The following CACNA1D variants were observed in gnomAD, a reference collection of about 807,000 sequenced individuals.
The protein encoded by CACNA1D is voltage-dependent L-type calcium channel subunit alpha-1D.
CACNA1D carries 55 observed loss-of-function variants against 257.1 expected under a neutral mutation model. The ratio of observed to expected loss-of-function variants is 0.21; its 90% CI spans 0.17 to 0.27. CACNA1D has a LOEUF of 0.27. Ranked by LOEUF, CACNA1D falls within the 10% of genes least tolerant of loss-of-function variation. The probability of loss-of-function intolerance (pLI) is 1.00; values close to 1 mark genes in which losing one functional copy is unlikely to be tolerated. For missense variants in CACNA1D, 1,876 were observed against 2,784.0 expected, an observed-to-expected ratio of 0.67 and a Z score of 7.34; for synonymous variants, 980 against 1,014.9, an observed-to-expected ratio of 0.97 and a Z score of 0.65.
chr3:53,744,582 C>T (rs1423146170), intron 22 of CACNA1D, among the ~76,000 whole-genome samples, 158 bp from the exon 23 acceptor site: 1 of 152,070 alleles, frequency 6.6e-6, no homozygotes, highest in Non-Finnish European at 1.5e-5. Flanking sequence ...GAGGAGAAGT[C>T]GCCTCTGAGT....
At chr3:53,523,105 G>A (rs2091641306) in intron 3 of CACNA1D, among the ~76,000 whole-genome samples, 1 of 152,286 alleles carries the variant, frequency 6.6e-6, no homozygotes, top group South Asian at 2.1e-4. Flanking sequence ...ATTGGTTGGT[G>A]GTGTTTTGGG....
chr3:53,711,256 C>A (rs2680660), intron 9 of CACNA1D, among the ~76,000 whole-genome samples: 83,613 of 152,052 alleles, frequency 0.55, 23,476 homozygotes, highest in Non-Finnish European at 0.59. Flanking sequence ...CTTAAAAAAT[C>A]AAAATAAATA....
At chr3:53,794,064 G>C (rs1437004547) in intron 40 of CACNA1D, among the ~76,000 whole-genome samples, 1 of 152,152 alleles carries the variant, frequency 6.6e-6, no homozygotes, top group Non-Finnish European at 1.5e-5. Flanking sequence ...TAATCCACAG[G>C]ACTATTGGGT....
intron 4 of CACNA1D, among the ~76,000 whole-genome samples, chr3:53,654,140 A>G (rs987233131): frequency 1.3e-5 from 2 of 152,178 alleles, no homozygotes; most frequent in South Asian, 2.1e-4. Context: ...CTGTACCTCA[A>G]TCAGTGTTAA....
intron 3 of CACNA1D, among the ~76,000 whole-genome samples, chr3:53,607,153 A>G (rs1360981595): frequency 6.6e-6 from 1 of 152,230 alleles, no homozygotes; most frequent in Non-Finnish European, 1.5e-5. Context: ...GTGTACACAC[A>G]TATATGCTTT....
chr3:53,572,372 T>TTA, intron 3 of CACNA1D, among the ~76,000 whole-genome samples: 3 of 134,194 alleles, frequency 2.2e-5, no homozygotes, highest in African/African-American at 1.1e-4. Context: ...GTTTGTTTGT[T>TTA]TGTTTATTTA....
intron 3 of CACNA1D, among the ~76,000 whole-genome samples, chr3:53,627,441 G>A (rs934582877): frequency 9.9e-5 from 15 of 152,158 alleles, no homozygotes; most frequent in Non-Finnish European, 1.5e-4. Flanking sequence ...TGGGGTCTGA[G>A]GTGCTAGTTT....
At chr3:53,580,927 T>C (rs1433930010) in intron 3 of CACNA1D, among the ~76,000 whole-genome samples, 3 of 152,096 alleles carry the variant, frequency 2.0e-5, no homozygotes, top group African/African-American at 7.2e-5. Flanking sequence ...GCAAAAGAAG[T>C]TAGTAAGTGG....
At chr3:53,727,137 A>G (rs1428156536) in intron 15 of CACNA1D, 138 bp downstream of exon 15, 1 of 1,007,140 alleles carries the variant, frequency 9.9e-7, no homozygotes, top group Non-Finnish European at 1.6e-6. Context: ...TTAGCTCAAT[A>G]TCTGCTTTTC....
At chr3:53,733,866 A>T (rs2095024844) in intron 19 of CACNA1D, among the ~76,000 whole-genome samples, 2 of 114,722 alleles carry the variant, frequency 1.7e-5, no homozygotes, top group South Asian at 7.1e-4. Context: ...GGTGTTCTTT[A>T]AAAAAAAAAG....
At chr3:53,805,584 G>A (rs58254944) in intron 45 of CACNA1D, among the ~76,000 whole-genome samples, 3 of 152,042 alleles carry the variant, frequency 2.0e-5, no homozygotes, top group Non-Finnish European at 2.9e-5. Flanking sequence ...TGGCTGTGCC[G>A]CAGGCCTGTC....
chr3:53,519,268 C>T (rs888135761), intron 3 of CACNA1D, among the ~76,000 whole-genome samples: 1 of 152,218 alleles, frequency 6.6e-6, no homozygotes, highest in African/African-American at 2.4e-5. Flanking sequence ...AATTGCTTCA[C>T]TTGCCAGCAG....
chr3:53,541,835 A>AC (rs1201392885), intron 3 of CACNA1D, among the ~76,000 whole-genome samples: 1 of 152,076 alleles, frequency 6.6e-6, no homozygotes. Flanking sequence ...ACGGTCTTTT[A>AC]CCATAAGTGG....
At chr3:53,733,000 T>C in intron 19 of CACNA1D, 38 bp downstream of exon 19, 2 of 1,611,262 alleles carry the variant, frequency 1.2e-6, no homozygotes, top group South Asian at 2.2e-5. Flanking sequence ...GGCTGCCTCT[T>C]GCCAGTGACC....
intron 3 of CACNA1D, among the ~76,000 whole-genome samples, chr3:53,617,640 G>A (rs547571409): frequency 3.9e-5 from 6 of 152,214 alleles, no homozygotes; most frequent in East Asian, 1.9e-4. Flanking sequence ...GAGCATGGGC[G>A]ACTTAGTTCA....
At position 53,695,972 on chromosome 3, in the gene CACNA1D, G is replaced by T. The variant is rs573751492; in HGVS notation, c.1221-6669G>T. 2.6e-5 allele frequency among the ~76,000 whole-genome samples: 4 copies of T among 152,134 alleles called. No homozygotes were observed. The East Asian group carries it at 7.7e-4, about 29-fold the overall frequency. On this transcript the variant is annotated intron_variant, in intron 8 of 47. Coordinates refer to ENST00000350061, the MANE Select transcript of CACNA1D (RefSeq NM_001128840.3). ...TTTTCGTTAGTTTTTTTGTTTGTTTGATTGTTTTTGAGACAAGGTCTCTGT... is the reference window on the plus strand; with the variant it reads ...TTTTCGTTAGTTTTTTTGTTTGTTTTATTGTTTTTGAGACAAGGTCTCTGT...
chr3:53,555,949 G>A (rs9311506), intron 3 of CACNA1D, among the ~76,000 whole-genome samples: 2,778 of 152,094 alleles, frequency 0.018, 95 homozygotes, highest in African/African-American at 0.062. Context: ...TTTGTCCCCC[G>A]CAAAACTTAT....
chr3:53,673,892 C>T lies in CACNA1D; in HGVS notation c.1220+766C>T. 6.8e-6 allele frequency: 6 copies of T among 885,202 alleles called. No homozygotes were observed. Among genetic ancestry groups the T allele is most frequent in the Admixed American group, 3.4e-5 (2 of 58,836 alleles). The allele number at this position is 885,202 out of a possible 1,614,324, so 54.8% of individuals were successfully genotyped here. ...AACTCTGCGTGTCTCCTAGCTGCTC[C>T]CTGACAGCTTCTCTGCATGTGTTTG... On this transcript the variant is annotated intron_variant, in intron 8 of 47. Coordinates refer to ENST00000350061, the MANE Select transcript of CACNA1D (RefSeq NM_001128840.3). This position sits in a 1 kb window ranked among gnomAD's most constrained non-coding sequence, Gnocchi z 4.1.
chr3:53,581,157 G>C (rs1343306635), intron 3 of CACNA1D, among the ~76,000 whole-genome samples: 1 of 152,204 alleles, frequency 6.6e-6, no homozygotes, highest in African/African-American at 2.4e-5. Context: ...TCAAAGTTAA[G>C]CCTTGTACAT....
Sources: gnomAD v4.1 joint callset for allele counts (sites outside exome capture counted in the v4.1 genomes callset) on GRCh38, gnomAD v4.1.1 for gene constraint, Gnocchi (gnomAD v3.1) non-coding constraint, MANE v1.5 for transcripts, NCBI Gene and HGNC (gene_info 2026-07-23, HGNC 2026-07-21) for gene names.